Variants in SYNPO2 observed in about 807,000 individuals in gnomAD.
The protein encoded by SYNPO2 is synaptopodin 2.
A neutral mutation model predicts 85.0 loss-of-function variants in SYNPO2; 56 were observed. The observed-to-expected ratio is 0.66, with a 90% CI of 0.53 to 0.82. The LOEUF is 0.82. SYNPO2 is among the 40% of genes least tolerant of loss of function. SYNPO2 has a pLI of 0.00. For synonymous variants in SYNPO2, 602 were observed against 591.1 expected, an observed-to-expected ratio of 1.02 and a Z score of -0.27; for missense variants, 1,575 against 1,534.2, an observed-to-expected ratio of 1.03 and a Z score of -0.44.
intron 1 of SYNPO2, among the ~76,000 whole-genome samples, chr4:118,882,150 G>A (rs1732116125): frequency 6.6e-6 from 1 of 152,046 alleles, no homozygotes; most frequent in Non-Finnish European, 1.5e-5. Flanking sequence ...ACCTCTTATT[G>A]TTGTCGGTCA....
At chr4:118,977,302 C>A (rs971386596) in intron 1 of SYNPO2, among the ~76,000 whole-genome samples, 1 of 152,224 alleles carries the variant, frequency 6.6e-6, no homozygotes, top group Admixed American at 6.5e-5. Flanking sequence ...GGTGCTAAGT[C>A]CCCCATTGCC....
chr4:118,996,558 C>T (rs368045902), intron 1 of SYNPO2, among the ~76,000 whole-genome samples: 10 of 152,042 alleles, frequency 6.6e-5, no homozygotes, highest in Admixed American at 3.9e-4. Context: ...ATAAATATAA[C>T]GCAAGATGTA....
intron 4 of SYNPO2, chr4:119,032,734 A>T: frequency 5.4e-6 from 5 of 926,676 alleles, no homozygotes; most frequent in Non-Finnish European, 6.4e-6. Context: ...TTTAAAGTAA[A>T]TGGGGCCGGG....
chr4:118,900,671 C>G (rs1438824265), intron 1 of SYNPO2, among the ~76,000 whole-genome samples: 1 of 56,864 alleles, frequency 1.8e-5, no homozygotes, highest in Non-Finnish European at 3.3e-5. Context: ...CTTTCTCTCT[C>G]TCTCTCTCTC....
At chr4:119,034,943 G>A in intron 4 of SYNPO2, 1 of 985,450 alleles carries the variant, frequency 1.0e-6, no homozygotes, top group African/African-American at 1.7e-5. Flanking sequence ...TGAGGTGTAG[G>A]GAGGCAGTTT....
rs568746111 is a variant in SYNPO2, at chr4:118,902,584, T to C, written c.105+13443T>C. On this transcript the variant is annotated intron_variant, in intron 1 of 4. Coordinates refer to ENST00000307142, the MANE Select transcript of SYNPO2 (RefSeq NM_133477.3). ...TCCCTCCCATAACATGTGGGAATTA[T>C]GGGAGCTACAATTCAAGATGAGATT... 1.3e-3 allele frequency among the ~76,000 whole-genome samples: 201 copies of C among 152,308 alleles called. 3 individuals carry two copies. The highest frequency in any genetic ancestry group is 1.8e-4 in the Non-Finnish European group (12 of 68,014).
intron 1 of SYNPO2, among the ~76,000 whole-genome samples, chr4:118,879,375 C>T (rs910877934): frequency 1.3e-5 from 2 of 152,152 alleles, no homozygotes; most frequent in Non-Finnish European, 2.9e-5. Flanking sequence ...TATGTTGAAT[C>T]CTAAATCCCC....
intron 1 of SYNPO2, among the ~76,000 whole-genome samples, chr4:118,894,565 G>A (rs537683668): frequency 1.4e-4 from 10 of 71,460 alleles, no homozygotes; most frequent in Admixed American, 2.7e-4. Context: ...GGGGAACGTC[G>A]GGGGAACATC....
chr4:118,917,522 C>G (rs1733381991), intron 1 of SYNPO2, among the ~76,000 whole-genome samples: 1 of 152,152 alleles, frequency 6.6e-6, no homozygotes, highest in Non-Finnish European at 1.5e-5. Context: ...ATAATAGTGT[C>G]AGAGTTTTGT....
At chr4:118,893,256 G>A (rs1457631289) in intron 1 of SYNPO2, among the ~76,000 whole-genome samples, 1 of 152,172 alleles carries the variant, frequency 6.6e-6, no homozygotes, top group East Asian at 1.9e-4. Context: ...TTTTGGAATT[G>A]TATATTTTAA....
intron 1 of SYNPO2, among the ~76,000 whole-genome samples, chr4:119,005,220 T>C (rs1215683511): frequency 6.6e-6 from 1 of 152,206 alleles, no homozygotes; most frequent in Non-Finnish European, 1.5e-5. Flanking sequence ...GTGCAGAAGC[T>C]CTTTAGTTTA....
At chr4:118,874,190 G>T (rs62329301) in intron 1 of SYNPO2, among the ~76,000 whole-genome samples, 27,296 of 152,040 alleles carry the variant, frequency 0.18, 2,616 homozygotes, top group East Asian at 0.21. Context: ...TGCAACTGTT[G>T]AAATATTCAT....
chr4:118,889,182 G>T, intron 1 of SYNPO2, 41 bp downstream of exon 1: 1 of 1,584,460 alleles, frequency 6.3e-7, no homozygotes, highest in Non-Finnish European at 8.6e-7. Context: ...TGCTAGGAAG[G>T]AAGGAATGAA....
At chr4:118,997,478 T>C (rs969229833) in intron 1 of SYNPO2, among the ~76,000 whole-genome samples, 1 of 152,186 alleles carries the variant, frequency 6.6e-6, no homozygotes, top group Non-Finnish European at 1.5e-5. Flanking sequence ...TTCTAGTTTC[T>C]TGCTTCAGAG....
chr4:118,916,587 A>T (rs1022002696), intron 1 of SYNPO2, among the ~76,000 whole-genome samples: 1 of 151,976 alleles, frequency 6.6e-6, no homozygotes, highest in Non-Finnish European at 1.5e-5. Context: ...TTTTAAAATT[A>T]TTATTTTAAA....
rs181109619 is a variant in SYNPO2, at chr4:119,012,925, T to G, written c.106-10505T>G. 6.5e-4 allele frequency among the ~76,000 whole-genome samples: 99 copies of G among 152,274 alleles called. 1 individual carries two copies. The highest frequency in any genetic ancestry group is 2.2e-3 in the African/African-American group (92 of 41,536). ...GTTGGACCTTACTTCTACTTGCTTT[T>G]GCATTGCCTTCAGTGGAACTTCCTC... is the stretch of plus-strand genomic sequence containing the variant. On this transcript the variant is annotated intron_variant, in intron 1 of 4. Transcript: ENST00000307142.
chr4:118,914,383 A>G (rs1463785519), intron 1 of SYNPO2, among the ~76,000 whole-genome samples: 2 of 152,168 alleles, frequency 1.3e-5, no homozygotes. Flanking sequence ...ATGTACAGAA[A>G]ATTGGAGAAG....
chr4:119,007,216 G>GTA (rs66895824), intron 1 of SYNPO2, among the ~76,000 whole-genome samples: 796 of 46,198 alleles, frequency 0.017, 33 homozygotes, highest in Middle Eastern at 0.04. Context: ...AAGAACAAAG[G>GTA]TATATATATA....
chr4:119,004,271 A>T (rs770444138), intron 1 of SYNPO2, among the ~76,000 whole-genome samples: 3 of 152,100 alleles, frequency 2.0e-5, no homozygotes, highest in Non-Finnish European at 4.4e-5. Context: ...ACATGTGCAC[A>T]ATGTGCAGGT....
Sources: gnomAD v4.1 joint callset for allele counts (sites outside exome capture counted in the v4.1 genomes callset) on GRCh38, gnomAD v4.1.1 for gene constraint, MANE v1.5 for transcripts, NCBI Gene and HGNC (gene_info 2026-07-23, HGNC 2026-07-21) for gene names.